DYM: variants seen among roughly 807,000 people sequenced by gnomAD.
DYM encodes dymeclin.
A neutral mutation model predicts 93.1 loss-of-function variants in DYM; 78 were observed. The observed-to-expected ratio is 0.84, with a 90% CI of 0.70 to 1.01. The LOEUF (loss-of-function observed/expected upper bound fraction) is 1.01. Among genes scored for constraint, DYM ranks in the 50% least tolerant of loss-of-function variants. The pLI, the probability that DYM is intolerant of heterozygous loss-of-function variation, is 0.00. For missense variants in DYM, 789 were observed against 845.0 expected (o/e 0.93, Z 0.82); for synonymous variants, 321 against 319.7 (o/e 1.00, Z -0.04).
intron 8 of DYM, among the ~76,000 whole-genome samples, chr18:49,325,465 G>A (rs73445705): frequency 0.025 from 3,842 of 152,188 alleles, 154 homozygotes; most frequent in African/African-American, 0.086. Flanking sequence ...CAATCCTGAA[G>A]AAAAGCAAAA....
intron 5 of DYM, among the ~76,000 whole-genome samples, chr18:49,372,840 G>A (rs2067173247): frequency 6.6e-6 from 1 of 150,530 alleles, no homozygotes. Context: ...AAAAAAGAAA[G>A]AAAAGGTCTG....
chr18:49,259,456 A>C (rs1452330177), intron 11 of DYM, among the ~76,000 whole-genome samples: 2 of 152,222 alleles, frequency 1.3e-5, no homozygotes, highest in Non-Finnish European at 2.9e-5. Flanking sequence ...CAGATAACCC[A>C]GTTTCTTCAA....
At chr18:49,143,661 AATAAAC>A (rs1432094143) in intron 15 of DYM, among the ~76,000 whole-genome samples, 2 of 152,184 alleles carry the variant, frequency 1.3e-5, no homozygotes, top group Non-Finnish European at 2.9e-5. Flanking sequence ...ATTGTGGTGA[AATAAAC>A]ATAAAATTTA....
At chr18:49,196,010 A>G (rs1423110931) in intron 14 of DYM, among the ~76,000 whole-genome samples, 2 of 129,226 alleles carry the variant, frequency 1.5e-5, no homozygotes, top group African/African-American at 6.0e-5. Flanking sequence ...TGCAACCTTC[A>G]CCTCCCGGGT....
intron 8 of DYM, among the ~76,000 whole-genome samples, chr18:49,293,202 C>A (rs890356005): frequency 2.0e-5 from 3 of 152,180 alleles, no homozygotes; most frequent in Non-Finnish European, 4.4e-5. Flanking sequence ...ATATGTGCCA[C>A]AATTTGTTTA....
At chr18:49,090,612 AG>A (rs1355196505) in intron 17 of DYM, among the ~76,000 whole-genome samples, 2 of 152,222 alleles carry the variant, frequency 1.3e-5, no homozygotes, top group African/African-American at 4.8e-5. Flanking sequence ...TACATGGATC[AG>A]GGAAAGTAGA....
intron 13 of DYM, among the ~76,000 whole-genome samples, chr18:49,232,721 G>A (rs1399737209): frequency 1.3e-5 from 2 of 148,512 alleles, no homozygotes; most frequent in African/African-American, 5.0e-5. Context: ...CGATTCTCCT[G>A]CCTCAGCCTC....
intron 15 of DYM, among the ~76,000 whole-genome samples, chr18:49,123,696 T>C (rs1234728648): frequency 1.3e-5 from 2 of 152,248 alleles, no homozygotes; most frequent in African/African-American, 4.8e-5. Flanking sequence ...TTTCTTTTTA[T>C]GATTCATCTA....
intron 15 of DYM, among the ~76,000 whole-genome samples, chr18:49,123,254 C>T (rs1271252507): frequency 6.6e-6 from 1 of 151,964 alleles, no homozygotes; most frequent in East Asian, 1.9e-4. Context: ...TTAATACTTC[C>T]AAATCTATAG....
chr18:49,385,826 G>C (rs1176848746), intron 3 of DYM, among the ~76,000 whole-genome samples: 1 of 152,052 alleles, frequency 6.6e-6, no homozygotes, highest in Non-Finnish European at 1.5e-5. Context: ...AGGCATGCTT[G>C]GGGTCAGGAG....
intron 17 of DYM, among the ~76,000 whole-genome samples, chr18:49,079,934 G>A (rs1314096405): frequency 1.3e-5 from 2 of 151,072 alleles, no homozygotes; most frequent in African/African-American, 2.4e-5. Context: ...CCTCCCAGAC[G>A]GGGTGGTGGC....
chr18:49,069,452 C>T (rs1397098193), intron 17 of DYM, among the ~76,000 whole-genome samples: 1 of 152,186 alleles, frequency 6.6e-6, no homozygotes, highest in Non-Finnish European at 1.5e-5. Flanking sequence ...ATCATCCCAA[C>T]TTTTCTTCAG....
At chr18:49,324,541 G>A (rs1419829714) in intron 8 of DYM, among the ~76,000 whole-genome samples, 2 of 152,128 alleles carry the variant, frequency 1.3e-5, no homozygotes, top group African/African-American at 2.4e-5. Context: ...GCCAAATTTT[G>A]CACCACATAA....
At chr18:49,301,522 G>GAAAAAAAAAAAAAAAAAAAAAAAAAA in intron 8 of DYM, among the ~76,000 whole-genome samples, 1 of 46,398 alleles carries the variant, frequency 2.2e-5, no homozygotes, top group Non-Finnish European at 5.2e-5. Flanking sequence ...CTCCGTCTCA[G>GAAAAAAAAAAAAAAAAAAAAAAAAAA]AAAAAAAAAA....
At chr18:49,131,006 A>C (rs1056795582) in intron 15 of DYM, among the ~76,000 whole-genome samples, 1 of 152,218 alleles carries the variant, frequency 6.6e-6, no homozygotes, top group African/African-American at 2.4e-5. Context: ...AAAATGAGAG[A>C]ACTACTTACT....
intron 16 of DYM, among the ~76,000 whole-genome samples, chr18:49,101,995 A>G (rs1259018289): frequency 6.6e-6 from 1 of 152,196 alleles, no homozygotes; most frequent in Non-Finnish European, 1.5e-5. Flanking sequence ...CAACATCTAG[A>G]TGTAGCATGA....
At position 49,040,967 on chromosome 18, in the gene DYM, C is replaced by T. The variant is rs894534204; in HGVS notation, c.*3088G>A. Among the ~76,000 whole-genome samples, 3 of 152,200 alleles carry T rather than the reference C, an allele frequency of 2.0e-5. No individual in the cohort carries two copies. The highest frequency in any genetic ancestry group is 4.8e-5 in the African/African-American group (2 of 41,442). On this transcript the variant is annotated 3_prime_UTR_variant, in exon 18 of 18. Coordinates refer to ENST00000675505, the MANE Select transcript of DYM (RefSeq NM_001353214.3). ...GTTGCTGAGTGTTCTGATGCTGGTC[C>T]TGTGTCCTTTCCACTTTCTATCGTC...
At chr18:49,396,030 C>T (rs898625854) in intron 2 of DYM, among the ~76,000 whole-genome samples, 2 of 152,158 alleles carry the variant, frequency 1.3e-5, no homozygotes, top group Admixed American at 6.5e-5. Flanking sequence ...CTGGCACCTC[C>T]CCGCCCCATT....
At chr18:49,248,424 C>T (rs1263958551) in intron 13 of DYM, among the ~76,000 whole-genome samples, 1 of 152,070 alleles carries the variant, frequency 6.6e-6, no homozygotes. Context: ...ACTTTACAAG[C>T]CATCATTAAC....
Sources: allele counts gnomAD v4.1 joint callset (sites outside exome capture counted in the v4.1 genomes callset), GRCh38; gene constraint gnomAD v4.1.1; transcripts MANE v1.5; gene names NCBI Gene and HGNC (gene_info 2026-07-23, HGNC 2026-07-21).